The following TFCP2 variants were observed in gnomAD, a reference collection of about 807,000 sequenced individuals.
TFCP2 encodes transcription factor CP2, also known as alpha-globin transcription factor CP2.
In TFCP2, 33 loss-of-function variants were observed where a neutral mutation model predicts 73.4. The ratio of observed to expected loss-of-function variants is 0.45; its 90% CI spans 0.34 to 0.60. The LOEUF (loss-of-function observed/expected upper bound fraction) is 0.60. TFCP2 is among the 20% of genes least tolerant of loss of function. The pLI is 0.01. For missense variants in TFCP2, 352 were observed against 604.0 expected, an observed-to-expected ratio of 0.58 and a Z score of 4.37; for synonymous variants, 193 against 211.6, an observed-to-expected ratio of 0.91 and a Z score of 0.76.
At chr12:51,172,145 C>T (rs1941875399) in intron 1 of TFCP2, among the ~76,000 whole-genome samples, 156 bp downstream of exon 1, 1 of 152,230 alleles carries the variant, frequency 6.6e-6, no homozygotes, top group Non-Finnish European at 1.5e-5. Flanking sequence ...TTCCACAACA[C>T]TAACTACTCA....
intron 1 of TFCP2, among the ~76,000 whole-genome samples, chr12:51,172,013 C>G (rs1436234978): frequency 6.6e-6 from 1 of 152,138 alleles, no homozygotes; most frequent in Non-Finnish European, 1.5e-5. Flanking sequence ...CATCAGTCCC[C>G]AAGTCTCCCA....
intron 1 of TFCP2, among the ~76,000 whole-genome samples, chr12:51,139,375 T>A (rs2137013161): frequency 6.6e-6 from 1 of 152,234 alleles, no homozygotes; most frequent in Non-Finnish European, 1.5e-5. Context: ...TCCCTTTATC[T>A]ACATATGTAT....
chr12:51,098,949 T>C lies in TFCP2; in HGVS notation c.1277-31A>G, dbSNP rs1209970473. 4 of 1,610,274 alleles carry C rather than the reference T, an allele frequency of 2.5e-6. No homozygotes were observed. In the African/African-American group the frequency reaches 5.3e-5, roughly 22 times the overall value. ...AAAGGGAGAGAGCAACAGCAGTCAG[T>C]ACAAAGTTTGTCCACTCTTACAGGT... On this transcript the variant is annotated intron_variant, in intron 12 of 14. Coordinates refer to ENST00000257915, the MANE Select transcript of TFCP2 (RefSeq NM_005653.5).
Position 51,159,129 on chromosome 12 carries a change from A to G in TFCP2, c.122+13172T>C, listed in dbSNP as rs551623312. On this transcript the variant is annotated intron_variant, in intron 1 of 14. Coordinates refer to ENST00000257915, the MANE Select transcript of TFCP2 (RefSeq NM_005653.5). Reference sequence around the variant, plus strand: ...AGGAGGCGGAGGTTGCAGTGAGCCAAGATCATGCCACTGCACTCCAGCCTG... The same window carrying G: ...AGGAGGCGGAGGTTGCAGTGAGCCAGGATCATGCCACTGCACTCCAGCCTG... Among the ~76,000 whole-genome samples, 682 of 148,674 alleles carry G rather than the reference A, an allele frequency of 4.6e-3. 3 individuals carry two copies. The highest frequency in any genetic ancestry group is 7.6e-3 in the Non-Finnish European group (509 of 67,310).
At position 51,118,791 on chromosome 12, in the gene TFCP2, C is replaced by T. The variant is rs1480784419; in HGVS notation, c.123-19G>A. ...GACATCACTAAAATAAAACAAATGA[C>T]TCACATTAATACCTGGCAATGGTGC... On this transcript the variant is annotated intron_variant, in intron 1 of 14. Transcript: ENST00000257915. The T allele has an allele frequency of 1.2e-6, 2 of 1,613,370 alleles. No individual in the cohort carries two copies. The highest frequency in any genetic ancestry group is 1.3e-5 in the African/African-American group (1 of 75,024).
chr12:51,101,835 G>A (rs1940115995), intron 11 of TFCP2, 100 bp downstream of exon 11: 2 of 663,812 alleles, frequency 3.0e-6, no homozygotes, highest in South Asian at 4.4e-5. Context: ...CAAATGTTTT[G>A]AGAAGGTGTA....
chr12:51,115,408 T>C (rs527358817), intron 4 of TFCP2, among the ~76,000 whole-genome samples: 134 of 152,178 alleles, frequency 8.8e-4, no homozygotes, highest in African/African-American at 2.3e-3. Flanking sequence ...GCGTGAGCCA[T>C]CGCGCCCGGC....
chr12:51,117,298 T>C (rs376667237), intron 3 of TFCP2, among the ~76,000 whole-genome samples: 3 of 152,342 alleles, frequency 2.0e-5, no homozygotes, highest in African/African-American at 7.2e-5. Flanking sequence ...AGAACTGCTC[T>C]TCATCAAAGT....
intron 7 of TFCP2, 189 bp from the exon 8 acceptor site, chr12:51,106,802 G>C: frequency 1.8e-6 from 1 of 561,092 alleles, no homozygotes; most frequent in East Asian, 3.5e-5. Context: ...CTGAGAATAG[G>C]ACTTCTAAAA....
At chr12:51,101,110 T>C (rs1202344564) in intron 11 of TFCP2, among the ~76,000 whole-genome samples, 1 of 152,112 alleles carries the variant, frequency 6.6e-6, no homozygotes. Flanking sequence ...GAGACCATCC[T>C]GGCTAACACG....
At position 51,163,882 on chromosome 12, in the gene TFCP2, A is replaced by C. The variant is rs183763321; in HGVS notation, c.122+8419T>G. ...GACCCAACCAAAGGGAGGGAATAAC[A>C]ATGTTTAGAGCAGAGATAAGTGAAA... is the stretch of plus-strand genomic sequence containing the variant. On this transcript the variant is annotated intron_variant, in intron 1 of 14. Coordinates refer to ENST00000257915, the MANE Select transcript of TFCP2 (RefSeq NM_005653.5). Among the ~76,000 whole-genome samples the C allele has an allele frequency of 3.0e-3, 458 of 152,212 alleles. 2 individuals carry two copies. The highest frequency in any genetic ancestry group is 0.01 in the African/African-American group (430 of 41,530).
At chr12:51,124,533 C>T in intron 1 of TFCP2, 1 of 423,098 alleles carries the variant, frequency 2.4e-6, no homozygotes, top group South Asian at 1.9e-5. Flanking sequence ...TGTTAAGAAT[C>T]ATTGGGGCTG....
At chr12:51,165,723 T>G (rs943665207) in intron 1 of TFCP2, among the ~76,000 whole-genome samples, 1 of 152,208 alleles carries the variant, frequency 6.6e-6, no homozygotes, top group Non-Finnish European at 1.5e-5. Context: ...TACACTGATC[T>G]GGACATTTTT....
chr12:51,103,061 T>G (rs1940149710), intron 10 of TFCP2, among the ~76,000 whole-genome samples: 1 of 151,998 alleles, frequency 6.6e-6, no homozygotes, highest in Admixed American at 6.6e-5. Flanking sequence ...GAAGGGTGGA[T>G]CACTTGAGGT....
chr12:51,145,411 C>A (rs1348923115), intron 1 of TFCP2, among the ~76,000 whole-genome samples: 1 of 147,224 alleles, frequency 6.8e-6, no homozygotes, highest in African/African-American at 2.5e-5. Flanking sequence ...AATACAAATA[C>A]AAAAATTAGC....
chr12:51,125,831 C>T (rs1434457912), intron 1 of TFCP2, among the ~76,000 whole-genome samples: 1 of 152,050 alleles, frequency 6.6e-6, no homozygotes, highest in African/African-American at 2.4e-5. Context: ...GGCGTGGTGG[C>T]TCATGCCTGT....
chr12:51,118,508 T>C, intron 2 of TFCP2, 113 bp downstream of exon 2: 1 of 1,295,838 alleles, frequency 7.7e-7, no homozygotes, highest in Non-Finnish European at 1.1e-6. Context: ...TGAGCCAAGA[T>C]GGCGCCACTA....
intron 1 of TFCP2, among the ~76,000 whole-genome samples, chr12:51,163,804 A>C (rs1941698227): frequency 6.6e-6 from 1 of 152,060 alleles, no homozygotes; most frequent in African/African-American, 2.4e-5. Flanking sequence ...AAAGACCTTA[A>C]GTCAATACTC....
At chr12:51,105,739 G>A (rs1016760483) in intron 8 of TFCP2, among the ~76,000 whole-genome samples, 20 of 151,996 alleles carry the variant, frequency 1.3e-4, no homozygotes, top group Admixed American at 6.6e-5. Flanking sequence ...TAATTGTTAC[G>A]TTTTAAATAT....
Sources: allele counts gnomAD v4.1 joint callset (sites outside exome capture counted in the v4.1 genomes callset), GRCh38; gene constraint gnomAD v4.1.1; transcripts MANE v1.5; gene names NCBI Gene and HGNC (gene_info 2026-07-23, HGNC 2026-07-21).